Variants in CSMD1 observed in about 807,000 individuals in gnomAD.
CSMD1 encodes CUB and Sushi multiple domains 1.
Under a neutral mutation model 417.5 loss-of-function variants are expected in CSMD1, and 213 were observed. The ratio of observed to expected loss-of-function variants is 0.51; its 90% CI spans 0.46 to 0.57. The LOEUF is 0.57. Among genes scored for constraint, CSMD1 ranks in the 20% least tolerant of loss-of-function variants. CSMD1 has a pLI of 0.00. For missense variants in CSMD1, 6,923 were observed against 4,529.7 expected, an observed-to-expected ratio of 1.53 and a Z score of -15.17; for synonymous variants, 2,862 against 1,736.8, an observed-to-expected ratio of 1.65 and a Z score of -16.11.
intron 3 of CSMD1, among the ~76,000 whole-genome samples, chr8:4,236,413 C>G (rs185626033): frequency 1.3e-5 from 2 of 152,230 alleles, no homozygotes; most frequent in East Asian, 3.9e-4. Flanking sequence ...TCTAGCCAGT[C>G]AAGAATTTTT....
chr8:3,481,154 CAA>C (rs1221192557), intron 11 of CSMD1, among the ~76,000 whole-genome samples: 1,423 of 69,224 alleles, frequency 0.021, 6 homozygotes, highest in African/African-American at 0.07. Context: ...GACTCCATCT[CAA>C]AAAAAAAAAA....
intron 3 of CSMD1, among the ~76,000 whole-genome samples, chr8:4,174,566 G>A (rs908103770): frequency 6.6e-6 from 1 of 150,532 alleles, no homozygotes; most frequent in South Asian, 2.1e-4. Flanking sequence ...TATAAATACT[G>A]CATGCACTCT....
chr8:4,163,018 C>G (rs1444464394), intron 3 of CSMD1, among the ~76,000 whole-genome samples: 1 of 152,158 alleles, frequency 6.6e-6, no homozygotes, highest in East Asian at 1.9e-4. Context: ...ACTTCTTTCA[C>G]TTAGTAACGT....
chr8:4,811,270 G>A (rs1029895779), intron 1 of CSMD1, among the ~76,000 whole-genome samples: 1 of 152,098 alleles, frequency 6.6e-6, no homozygotes, highest in Non-Finnish European at 1.5e-5. Flanking sequence ...AATTTAACCT[G>A]CTTAAATTAG....
Position 4,333,419 on chromosome 8 carries a change from G to T in CSMD1, c.415+86534C>A, listed in dbSNP as rs140199769. Among the ~76,000 whole-genome samples the T allele has an allele frequency of 1.6e-3, 236 of 152,178 alleles. 1 individual carries two copies. The highest frequency in any genetic ancestry group is 5.5e-3 in the African/African-American group (227 of 41,540). On this transcript the variant is annotated intron_variant, in intron 3 of 69. Transcript: ENST00000635120. ...TGAATTTCTGTCTCCTCAACTACCT[G>T]TTGCCTATGCTTGAAAAAGTTGTCT...
intron 68 of CSMD1, among the ~76,000 whole-genome samples, chr8:2,947,899 G>A (rs1802359397): frequency 6.6e-6 from 1 of 151,036 alleles, no homozygotes; most frequent in Non-Finnish European, 1.5e-5. Context: ...GTTGAATAGT[G>A]GAAGTAAAGT....
chr8:3,433,782 G>A (rs1051963537), intron 12 of CSMD1, among the ~76,000 whole-genome samples: 2 of 152,194 alleles, frequency 1.3e-5, no homozygotes, highest in Admixed American at 6.6e-5. Context: ...AGACTTCAGA[G>A]CAGATTCACC....
intron 1 of CSMD1, among the ~76,000 whole-genome samples, chr8:4,935,080 A>G (rs2117208921): frequency 6.6e-6 from 1 of 152,324 alleles, no homozygotes; most frequent in African/African-American, 2.4e-5. Context: ...CCATATCACA[A>G]CAGGCCCCAT....
intron 54 of CSMD1, among the ~76,000 whole-genome samples, chr8:2,987,074 T>C (rs1227187015): frequency 6.6e-6 from 1 of 152,156 alleles, no homozygotes; most frequent in East Asian, 1.9e-4. Flanking sequence ...AACTAATTCT[T>C]AATGGTCTCT....
At chr8:3,429,905 G>C (rs950965233) in intron 12 of CSMD1, among the ~76,000 whole-genome samples, 1 of 152,092 alleles carries the variant, frequency 6.6e-6, no homozygotes, top group Non-Finnish European at 1.5e-5. Context: ...ATCACACCAG[G>C]GGCACTGGCC....
intron 11 of CSMD1, among the ~76,000 whole-genome samples, chr8:3,481,888 A>T (rs1361214652): frequency 6.6e-6 from 1 of 152,196 alleles, no homozygotes; most frequent in African/African-American, 2.4e-5. Context: ...GGTTTCCAGA[A>T]CTGAGAGTAC....
At chr8:3,368,886 T>C (rs1038320959) in intron 19 of CSMD1, among the ~76,000 whole-genome samples, 3 of 152,164 alleles carry the variant, frequency 2.0e-5, no homozygotes, top group Admixed American at 6.5e-5. Flanking sequence ...AGTACAAAAA[T>C]TGTCCCAGAT....
At chr8:3,547,744 A>T (rs1308917562) in intron 10 of CSMD1, among the ~76,000 whole-genome samples, 1 of 152,218 alleles carries the variant, frequency 6.6e-6, no homozygotes, top group Non-Finnish European at 1.5e-5. Flanking sequence ...GGCTTGAGCT[A>T]GTTATCTAAT....
chr8:3,675,622 G>A (rs768946363), intron 7 of CSMD1, among the ~76,000 whole-genome samples: 3 of 152,094 alleles, frequency 2.0e-5, no homozygotes, highest in Non-Finnish European at 4.4e-5. Flanking sequence ...CCCTTATAAG[G>A]AAAGGAGGAA....
intron 50 of CSMD1, among the ~76,000 whole-genome samples, chr8:3,034,508 T>C (rs1810540463): frequency 6.6e-6 from 1 of 152,196 alleles, no homozygotes; most frequent in Non-Finnish European, 1.5e-5. Flanking sequence ...TATATATGTA[T>C]ACAAACACAC....
At chr8:3,356,580 C>CGGG (rs1808807573) in intron 21 of CSMD1, among the ~76,000 whole-genome samples, 1 of 152,194 alleles carries the variant, frequency 6.6e-6, no homozygotes, top group Admixed American at 6.5e-5. Context: ...GAGGATGAGG[C>CGGG]AGGAGAATTG....
At chr8:4,752,779 C>T (rs1039339086) in intron 1 of CSMD1, among the ~76,000 whole-genome samples, 1 of 152,086 alleles carries the variant, frequency 6.6e-6, no homozygotes, top group East Asian at 1.9e-4. Context: ...GTATTGCAGA[C>T]TAAACAGGAG....
intron 2 of CSMD1, among the ~76,000 whole-genome samples, chr8:4,434,815 C>T (rs545503143): frequency 3.3e-5 from 5 of 152,308 alleles, no homozygotes; most frequent in African/African-American, 1.2e-4. Context: ...AGCCCTACTT[C>T]ACCAGGGCTC....
At chr8:3,191,066 T>A (rs950319928) in intron 33 of CSMD1, among the ~76,000 whole-genome samples, 1 of 152,130 alleles carries the variant, frequency 6.6e-6, no homozygotes, top group African/African-American at 2.4e-5. Flanking sequence ...GTGTTTATAG[T>A]TAAGAGGGTA....
Sources: allele counts gnomAD v4.1 joint callset (sites outside exome capture counted in the v4.1 genomes callset), GRCh38; gene constraint gnomAD v4.1.1; transcripts MANE v1.5; gene names NCBI Gene and HGNC (gene_info 2026-07-23, HGNC 2026-07-21).